SLC15A5: variants seen among roughly 807,000 people sequenced by gnomAD.
SLC15A5 encodes solute carrier family 15 member 5, also known as Peptide/histidine transporter ENSP00000340402.
SLC15A5 carries 58 observed loss-of-function variants against 56.1 expected under a neutral mutation model. The observed-to-expected ratio is 1.03, with a 90% CI of 0.84 to 1.29. The LOEUF (loss-of-function observed/expected upper bound fraction) is 1.29. Among genes scored for constraint, SLC15A5 ranks in the 50% most tolerant of loss-of-function variants. The pLI is 0.00. For synonymous variants in SLC15A5, 264 were observed against 250.5 expected, an observed-to-expected ratio of 1.05 and a Z score of -0.51; for missense variants, 681 against 672.1, an observed-to-expected ratio of 1.01 and a Z score of -0.15.
chr12:16,222,649 T>C (rs1029673748), intron 6 of SLC15A5, among the ~76,000 whole-genome samples: 1 of 152,202 alleles, frequency 6.6e-6, no homozygotes, highest in Non-Finnish European at 1.5e-5. Context: ...TAGGCCTGAT[T>C]TCCTGGAGTA....
intron 7 of SLC15A5, among the ~76,000 whole-genome samples, chr12:16,207,594 T>C (rs1309115791): frequency 1.3e-5 from 2 of 152,108 alleles, no homozygotes; most frequent in Admixed American, 6.5e-5. Context: ...TTGGGATCAC[T>C]CTTCATGATC....
intron 3 of SLC15A5, 146 bp from the exon 4 acceptor site, chr12:16,244,946 A>G: frequency 3.8e-6 from 3 of 781,992 alleles, no homozygotes; most frequent in Non-Finnish European, 6.0e-6. Flanking sequence ...TCAAAGGACC[A>G]CGCTTCTGAC....
chr12:16,212,625 G>A (rs1387330448), intron 7 of SLC15A5, among the ~76,000 whole-genome samples: 3 of 152,144 alleles, frequency 2.0e-5, no homozygotes, highest in African/African-American at 2.4e-5. Flanking sequence ...ATATCCAAAA[G>A]GAGAGGATTA....
intron 7 of SLC15A5, among the ~76,000 whole-genome samples, chr12:16,204,308 T>C (rs947613925): frequency 4.0e-5 from 6 of 151,666 alleles, no homozygotes; most frequent in Admixed American, 3.9e-4. Context: ...AATACAAAAA[T>C]TAGCCTGGCA....
intron 3 of SLC15A5, among the ~76,000 whole-genome samples, chr12:16,252,246 G>C (rs1466178806): frequency 1.3e-5 from 2 of 151,930 alleles, no homozygotes; most frequent in African/African-American, 4.8e-5. Flanking sequence ...TCTAAGATTA[G>C]GAACAAGGCA....
intron 3 of SLC15A5, among the ~76,000 whole-genome samples, chr12:16,245,660 A>G (rs1864454601): frequency 6.6e-6 from 1 of 152,198 alleles, no homozygotes; most frequent in Admixed American, 6.5e-5. Context: ...CTTTGACCAG[A>G]TAAATCCCCC....
At chr12:16,216,540 C>T (rs1864131011) in intron 7 of SLC15A5, among the ~76,000 whole-genome samples, 1 of 152,072 alleles carries the variant, frequency 6.6e-6, no homozygotes, top group Admixed American at 6.6e-5. Context: ...TACCCTATCC[C>T]CTATATTTAC....
At chr12:16,276,439 C>T (rs1864821772) in intron 1 of SLC15A5, among the ~76,000 whole-genome samples, 3 of 151,962 alleles carry the variant, frequency 2.0e-5, no homozygotes, top group Non-Finnish European at 4.4e-5. Context: ...ACATTTGTAC[C>T]TTTATTTAGT....
intron 2 of SLC15A5, among the ~76,000 whole-genome samples, chr12:16,258,875 A>G (rs958470169): frequency 2.0e-5 from 3 of 151,980 alleles, no homozygotes; most frequent in Non-Finnish European, 4.4e-5. Context: ...AATCTTTCCC[A>G]TATTCTATTG....
At chr12:16,217,908 A>T (rs545745588) in intron 6 of SLC15A5, among the ~76,000 whole-genome samples, 84 of 152,230 alleles carry the variant, frequency 5.5e-4, no homozygotes, top group African/African-American at 1.6e-3. Flanking sequence ...CACGAAAAAA[A>T]TTTTTTTAAA....
Position 16,194,399 on chromosome 12 carries a change from A to T in SLC15A5, c.1538T>A (p.Phe513Tyr). 6.5e-7 allele frequency: 1 copy of T among 1,532,904 alleles called. No individual in the cohort carries two copies. Among genetic ancestry groups the T allele is most frequent in the Non-Finnish European group, 8.7e-7 (1 of 1,143,762 alleles). 95.0% of individuals were successfully genotyped at this position (1,532,904 alleles called of 1,614,324 possible). A position where few individuals can be genotyped will look rare whatever the true frequency, so the allele number is the denominator to read the frequency against. Residue 513 changes from phenylalanine to tyrosine, a missense_variant, in exon 8 of 9, where the codon TTC (phenylalanine) becomes TAC (tyrosine). Coordinates refer to ENST00000344941, the MANE Select transcript of SLC15A5 (RefSeq NM_001170798.1). ...GTTCAACAATGTTAATGATGCCAGG[A>T]AGAAGAAGAAGCTTTCTAAATTGCC... is the stretch of plus-strand genomic sequence containing the variant. ...NKGNLESFFFFLASLTLLNVL... is the reference protein window; with the variant it reads ...NKGNLESFFFYLASLTLLNVL...
intron 5 of SLC15A5, among the ~76,000 whole-genome samples, chr12:16,226,781 C>T (rs1234854283): frequency 2.0e-5 from 3 of 152,094 alleles, no homozygotes; most frequent in Non-Finnish European, 4.4e-5. Context: ...GATTTTGTTA[C>T]CGAGTCTGTA....
chr12:16,252,852 A>G (rs1475299052), intron 3 of SLC15A5, among the ~76,000 whole-genome samples: 1 of 152,112 alleles, frequency 6.6e-6, no homozygotes, highest in Admixed American at 6.6e-5. Context: ...GAAAAAGAAA[A>G]TTGAAGTTGG....
At chr12:16,191,945 T>G (rs915694209) in intron 8 of SLC15A5, among the ~76,000 whole-genome samples, 1 of 152,084 alleles carries the variant, frequency 6.6e-6, no homozygotes, top group Non-Finnish European at 1.5e-5. Context: ...GGAAATAGTT[T>G]TCTCCCAAAC....
chr12:16,260,519 A>T (rs1158675309), intron 2 of SLC15A5, among the ~76,000 whole-genome samples: 1 of 150,924 alleles, frequency 6.6e-6, no homozygotes, highest in African/African-American at 2.4e-5. Context: ...TTTTCCTATC[A>T]TTGATTTGTC....
At chr12:16,216,104 A>G (rs1396309664) in intron 7 of SLC15A5, among the ~76,000 whole-genome samples, 1 of 152,226 alleles carries the variant, frequency 6.6e-6, no homozygotes, top group Non-Finnish European at 1.5e-5. Flanking sequence ...TTTTTAGTGC[A>G]CAACAATAAG....
chr12:16,228,096 T>C (rs1245556062), intron 5 of SLC15A5, among the ~76,000 whole-genome samples: 1 of 152,202 alleles, frequency 6.6e-6, no homozygotes, highest in African/African-American at 2.4e-5. Flanking sequence ...GATATGGGAA[T>C]AACATGAATT....
In SLC15A5 at chr12:16,239,856, T is replaced by A. The variant is rs1378734812; in HGVS notation, c.987A>T (p.Gly329=). The change falls in exon 5 of 9, where the codon GGA becomes GGT. Residue 329 remains glycine (G), a synonymous_variant. Coordinates refer to ENST00000344941, the MANE Select transcript of SLC15A5 (RefSeq NM_001170798.1). ...TGGAATTCATAGTTTGCAGATAATA[T>A]CCTGAAGGAATCTGTATTCGAGAGG... ...YRMCIMQIPS[G]YYLQTMNSNL... is the part of the protein sequence containing the mutation. 6.5e-7 allele frequency: 1 copy of A among 1,536,768 alleles called. No individual in the cohort carries two copies. The highest frequency in any genetic ancestry group is 1.4e-5 in the African/African-American group (1 of 73,036).
intron 7 of SLC15A5, 86 bp downstream of exon 7, chr12:16,216,807 G>A (rs1172798060): frequency 8.1e-6 from 10 of 1,233,048 alleles, no homozygotes; most frequent in Non-Finnish European, 1.1e-5. Context: ...AGACTGCACT[G>A]ACAAAGCCCC....
Sources: allele counts gnomAD v4.1 joint callset (sites outside exome capture counted in the v4.1 genomes callset), GRCh38; gene constraint gnomAD v4.1.1; transcripts MANE v1.5; gene names NCBI Gene and HGNC (gene_info 2026-07-23, HGNC 2026-07-21).